Variants in TXNDC11 observed in about 807,000 individuals in gnomAD.
TXNDC11 encodes thioredoxin domain-containing protein 11.
A neutral mutation model predicts 78.0 loss-of-function variants in TXNDC11; 68 were observed. The observed-to-expected ratio is 0.87, with a 90% CI of 0.72 to 1.07. The LOEUF (loss-of-function observed/expected upper bound fraction) is 1.07, where lower values mean the gene tolerates loss of function less well. Among genes scored for constraint, TXNDC11 ranks in the 50% least tolerant of loss-of-function variants. The pLI, the probability that TXNDC11 is intolerant of heterozygous loss-of-function variation, is 0.00. For missense variants in TXNDC11, 1,389 were observed against 1,221.8 expected, an observed-to-expected ratio of 1.14 and a Z score of -2.04; for synonymous variants, 571 against 495.2, an observed-to-expected ratio of 1.15 and a Z score of -2.03.
chr16:11,694,810 GT>G (rs2050816479), intron 7 of TXNDC11, among the ~76,000 whole-genome samples: 1 of 152,172 alleles, frequency 6.6e-6, no homozygotes, highest in South Asian at 2.1e-4. Flanking sequence ...GGGAATTTAT[GT>G]TTCTATTCCT....
At chr16:11,697,969 C>T (rs2050903316) in intron 7 of TXNDC11, among the ~76,000 whole-genome samples, 156 bp downstream of exon 7, 1 of 152,218 alleles carries the variant, frequency 6.6e-6, no homozygotes, top group African/African-American at 2.4e-5. Flanking sequence ...TCTCTCCTGC[C>T]CATATGGAGG....
chr16:11,739,214 C>T (rs2052321922), intron 1 of TXNDC11, among the ~76,000 whole-genome samples: 2 of 152,128 alleles, frequency 1.3e-5, no homozygotes, highest in Non-Finnish European at 2.9e-5. Flanking sequence ...GGAGAAGAAA[C>T]GCTCGCCTCT....
intron 5 of TXNDC11, among the ~76,000 whole-genome samples, chr16:11,715,008 T>C (rs947343576): frequency 1.3e-5 from 2 of 152,118 alleles, no homozygotes; most frequent in African/African-American, 4.8e-5. Flanking sequence ...CCCAGCACTT[T>C]GGGAGGCCAA....
chr16:11,684,128 T>A (rs1335969788), intron 11 of TXNDC11, 37 bp downstream of exon 11: 1 of 1,420,766 alleles, frequency 7.0e-7, no homozygotes, highest in African/African-American at 1.4e-5. Context: ...CACAAAAGAA[T>A]CCCAACTGCC....
chr16:11,682,303 C>T (rs1185118410), intron 11 of TXNDC11, among the ~76,000 whole-genome samples: 1 of 152,150 alleles, frequency 6.6e-6, no homozygotes, highest in Non-Finnish European at 1.5e-5. Context: ...ATTCCAAAGC[C>T]ATAAAGCTTT....
chr16:11,734,550 C>A (rs56669063), intron 2 of TXNDC11, among the ~76,000 whole-genome samples: 10,389 of 152,228 alleles, frequency 0.068, 474 homozygotes, highest in South Asian at 0.18. Context: ...CATCGCCTTG[C>A]AAAGTGGTTG....
intron 11 of TXNDC11, among the ~76,000 whole-genome samples, chr16:11,681,311 G>A (rs2050419495): frequency 1.3e-5 from 2 of 152,230 alleles, no homozygotes; most frequent in Admixed American, 6.5e-5. Flanking sequence ...CAGAGTAAAC[G>A]TGAATTACTT....
At chr16:11,714,499 G>A (rs1453931401) in intron 5 of TXNDC11, among the ~76,000 whole-genome samples, 1 of 152,130 alleles carries the variant, frequency 6.6e-6, no homozygotes, top group African/African-American at 2.4e-5. Flanking sequence ...CATTAGCCGG[G>A]CGTGGTGGCG....
chr16:11,740,206 C>G (rs1227984925), intron 1 of TXNDC11, among the ~76,000 whole-genome samples: 1 of 151,478 alleles, frequency 6.6e-6, no homozygotes, highest in Non-Finnish European at 1.5e-5. Context: ...AAGCAAAGAT[C>G]TTAAAACTGA....
chr16:11,740,738 T>C (rs567993761), intron 1 of TXNDC11, among the ~76,000 whole-genome samples: 2 of 152,350 alleles, frequency 1.3e-5, no homozygotes, highest in Non-Finnish European at 2.9e-5. Flanking sequence ...CCTTATCACG[T>C]AGGTGTGATT....
At chr16:11,715,484 GAAC>G (rs2051502845) in intron 5 of TXNDC11, among the ~76,000 whole-genome samples, 1 of 147,194 alleles carries the variant, frequency 6.8e-6, no homozygotes, top group African/African-American at 2.5e-5. Flanking sequence ...AAAAAAGAAT[GAAC>G]CAGGCAGGGA....
intron 5 of TXNDC11, among the ~76,000 whole-genome samples, chr16:11,716,801 A>C (rs1203741193): frequency 6.6e-6 from 1 of 152,236 alleles, no homozygotes; most frequent in East Asian, 1.9e-4. Flanking sequence ...CAAGAAGTCC[A>C]GACTTGACCA....
intron 5 of TXNDC11, among the ~76,000 whole-genome samples, chr16:11,701,440 T>C (rs1373480028): frequency 1.3e-5 from 2 of 152,114 alleles, no homozygotes; most frequent in African/African-American, 2.4e-5. Context: ...CTCGGCCCAA[T>C]TTCCTCTTCT....
chr16:11,703,620 T>C lies in TXNDC11; in HGVS notation c.794-3056A>G, dbSNP rs183958699. ...GGGTATAATACACTTCCTAGTTCTATCTACTGAGAAGACCTAGAAGTAATG... is the reference window on the plus strand; with the variant it reads ...GGGTATAATACACTTCCTAGTTCTACCTACTGAGAAGACCTAGAAGTAATG... On this transcript the variant is annotated intron_variant, in intron 5 of 11. Transcript: ENST00000283033. 7.2e-6 allele frequency: 5 copies of C among 698,450 alleles called. No homozygotes were observed. The East Asian group carries it at 8.1e-5, about 11-fold the overall frequency. 43.3% of individuals were successfully genotyped at this position (698,450 alleles called of 1,614,324 possible).
At chr16:11,721,777 G>C in intron 4 of TXNDC11, 107 bp from the exon 5 acceptor site, 2 of 601,772 alleles carry the variant, frequency 3.3e-6, no homozygotes, top group Non-Finnish European at 5.8e-6. Flanking sequence ...AATGCATCTT[G>C]TTGCCTTTCA....
In TXNDC11 at chr16:11,689,087, C is replaced by CTTTTTT. The variant is rs34967613; in HGVS notation, c.1901-648_1901-643dup. Reference sequence around the variant, plus strand: ...TGAAACAATACTAATTTGAATTTCACTTTTTTTTTTTTTTTTAAAGAGACA... The same window carrying CTTTTTT: ...TGAAACAATACTAATTTGAATTTCACTTTTTTTTTTTTTTTTTTTTTTAAAGAGACA... On this transcript the variant is annotated intron_variant, in intron 8 of 11. Transcript: ENST00000283033. 9.2e-3 allele frequency among the ~76,000 whole-genome samples: 1,313 copies of CTTTTTT among 143,134 alleles called. 22 individuals carry two copies. The highest frequency in any genetic ancestry group is 0.03 in the African/African-American group (1,167 of 38,330). The allele number at this position is 143,134 out of a possible 152,430, so 93.9% of individuals were successfully genotyped here.
intron 5 of TXNDC11, among the ~76,000 whole-genome samples, chr16:11,704,164 C>A (rs1451350523): frequency 1.3e-5 from 2 of 152,174 alleles, no homozygotes; most frequent in African/African-American, 4.8e-5. Context: ...AGGAGCCAAG[C>A]TGAAGCCCTC....
chr16:11,721,621 C>A lies in TXNDC11; in HGVS notation c.749G>T (p.Gly250Val). 1 of 1,612,404 alleles carries A rather than the reference C, an allele frequency of 6.2e-7. No individual in the cohort carries two copies. Reference protein sequence around the residue: ...FEFSGSPQPPGYLTFFTSALH... With the variant: ...FEFSGSPQPPVYLTFFTSALH... ...TGCTGAGGTGAAGAAGGTCAAATAA[C>A]CAGGAGGCTGGGGTGAGCCACTGAA... Residue 250 changes from glycine (G) to valine (V), a missense_variant, in exon 5 of 12, where the codon GGT becomes GTT. Gly to Val is a moderately radical substitution (Grantham distance 109, BLOSUM62 -3). Coordinates refer to ENST00000283033, the MANE Select transcript of TXNDC11 (RefSeq NM_015914.7).
intron 10 of TXNDC11, among the ~76,000 whole-genome samples, chr16:11,685,653 A>C (rs12928324): frequency 0.36 from 54,393 of 151,654 alleles, 11,720 homozygotes; most frequent in Non-Finnish European, 0.49. Context: ...CATCTCAAAA[A>C]AAAAAACAAA....
Sources: gnomAD v4.1 joint callset for allele counts (sites outside exome capture counted in the v4.1 genomes callset) on GRCh38, gnomAD v4.1.1 for gene constraint, MANE v1.5 for transcripts, NCBI Gene and HGNC (gene_info 2026-07-23, HGNC 2026-07-21) for gene names.